The following CRHR2 variants were observed in gnomAD, a reference collection of about 807,000 sequenced individuals.
The protein encoded by CRHR2 is corticotropin-releasing hormone receptor 2.
A neutral mutation model predicts 57.9 loss-of-function variants in CRHR2; 53 were observed. The observed-to-expected ratio is 0.92, with a 90% confidence interval of 0.73 to 1.15. The LOEUF is 1.15. Ranked by LOEUF, CRHR2 falls within the 50% of genes most tolerant of loss-of-function variation. The pLI is 0.00. For synonymous variants in CRHR2, 213 were observed against 220.9 expected (o/e 0.96, Z 0.32); for missense variants, 532 against 542.6 (o/e 0.98, Z 0.19).
At chr7:30,667,040 C>T (rs1257502005) in intron 3 of CRHR2, among the ~76,000 whole-genome samples, 188 bp downstream of exon 3, 1 of 152,234 alleles carries the variant, frequency 6.6e-6, no homozygotes, top group East Asian at 1.9e-4. Flanking sequence ...GACTCCATGT[C>T]CCCCTTCTCT....
intron 1 of CRHR2, among the ~76,000 whole-genome samples, chr7:30,692,426 G>T (rs77400975): frequency 6.6e-6 from 1 of 152,122 alleles, no homozygotes; most frequent in Admixed American, 6.5e-5. Flanking sequence ...CACTGAGCTC[G>T]CCCCTCAGCG....
At chr7:30,689,954 T>C (rs1244410094) in intron 1 of CRHR2, among the ~76,000 whole-genome samples, 4 of 152,126 alleles carry the variant, frequency 2.6e-5, no homozygotes, top group Non-Finnish European at 5.9e-5. Context: ...GAAGGGACCA[T>C]AGGGCCAGCT....
intron 2 of CRHR2, chr7:30,689,101 C>A (rs1219933382): frequency 1.8e-5 from 22 of 1,201,202 alleles, no homozygotes; most frequent in South Asian, 1.6e-4. Flanking sequence ...CCCTGCTGAG[C>A]CTGGGCTGGC....
At chr7:30,686,399 G>A (rs561949444), upstream of CRHR2, 6 of 1,532,926 alleles carry the variant, frequency 3.9e-6, no homozygotes, top group Non-Finnish European at 4.4e-6. Context: ...CTTGGCAGAA[G>A]AGCTGAGGAA....
chr7:30,658,367 T>C (rs1027955093), intron 8 of CRHR2, among the ~76,000 whole-genome samples: 8 of 152,130 alleles, frequency 5.3e-5, no homozygotes, highest in Non-Finnish European at 1.2e-4. Flanking sequence ...GAGCCAGGCA[T>C]CAGCGATGGC....
In CRHR2 at chr7:30,653,865, C is replaced by T. The variant is rs140425125; in HGVS notation, c.1096-265G>A. Among the ~76,000 whole-genome samples, 1 of 152,294 alleles carries T rather than the reference C, an allele frequency of 6.6e-6. No individual in the cohort carries two copies. Among genetic ancestry groups the T allele is most frequent in the African/African-American group, 2.4e-5 (1 of 41,570 alleles). Reference sequence around the variant, plus strand: ...ATCCAGTTTCCTCTGGACACACTGCCTTCCCTTCCCTGACTCACTCTGCCA... The same window carrying T: ...ATCCAGTTTCCTCTGGACACACTGCTTTCCCTTCCCTGACTCACTCTGCCA... On this transcript the variant is annotated intron_variant, in intron 11 of 11. Transcript: ENST00000471646. This position sits in a 1 kb window ranked among gnomAD's most constrained non-coding sequence, Gnocchi z 5.0.
At chr7:30,674,618 G>T (rs1267314542) in intron 2 of CRHR2, among the ~76,000 whole-genome samples, 1 of 152,208 alleles carries the variant, frequency 6.6e-6, no homozygotes, top group Non-Finnish European at 1.5e-5. Flanking sequence ...AAGACAGCTG[G>T]CTGGCAGGAT....
At position 30,681,953 on chromosome 7, in the gene CRHR2, C is replaced by A. The variant is rs766065967; in HGVS notation, c.191G>T (p.Cys64Phe). ...CTTGACGCCGTTGAAGTACTCGGGG[C>A]ACGGCCTCTCCACGAGGGCTCCGGC... ...SAAGALVERP[C>F]PEYFNGVKYN... Residue 64 changes from cysteine (C) to phenylalanine (F), a missense_variant, in exon 2 of 12, where the codon TGC becomes TTC. Physicochemically the swap from Cys to Phe is radical, Grantham distance 205. Transcript: ENST00000471646. 27 of 1,612,064 alleles carry A rather than the reference C, an allele frequency of 1.7e-5. No homozygotes were observed. The highest frequency in any genetic ancestry group is 2.2e-5 in the Non-Finnish European group (26 of 1,179,526).
intron 1 of CRHR2, among the ~76,000 whole-genome samples, chr7:30,693,432 A>C (rs1267648705): frequency 6.6e-6 from 1 of 152,052 alleles, no homozygotes; most frequent in African/African-American, 2.4e-5. Context: ...GTTGGTGACC[A>C]CCTGGTGGTG....
chr7:30,699,461 C>T (rs555483171), intron 1 of CRHR2, among the ~76,000 whole-genome samples: 2 of 147,484 alleles, frequency 1.4e-5, no homozygotes, highest in Admixed American at 6.8e-5. Context: ...TGGCTCTCTG[C>T]GGGTCCCTGG....
At chr7:30,677,816 TC>T (rs200071839) in intron 2 of CRHR2, among the ~76,000 whole-genome samples, 2,821 of 152,314 alleles carry the variant, frequency 0.019, 22 homozygotes, top group Middle Eastern at 0.037. Context: ...ACGCCTATAC[TC>T]CCAGCACTTT....
At chr7:30,698,465 A>G (rs1785102542) in intron 1 of CRHR2, among the ~76,000 whole-genome samples, 1 of 152,134 alleles carries the variant, frequency 6.6e-6, no homozygotes, top group Non-Finnish European at 1.5e-5. Context: ...CCTGGAAGGC[A>G]CCTATCTGGA....
intron 7 of CRHR2, among the ~76,000 whole-genome samples, chr7:30,661,472 T>G (rs1474971867): frequency 6.6e-6 from 1 of 152,158 alleles, no homozygotes; most frequent in Non-Finnish European, 1.5e-5. Flanking sequence ...TTCCTAATGT[T>G]GAGCTCCTGG....
intron 2 of CRHR2, among the ~76,000 whole-genome samples, chr7:30,675,181 G>A (rs1784478555): frequency 6.6e-6 from 1 of 152,166 alleles, no homozygotes; most frequent in Non-Finnish European, 1.5e-5. Context: ...GAAGCACCTG[G>A]TGAGGGTGGG....
chr7:30,682,088 C>T (rs769459689), intron 1 of CRHR2, 48 bp from the exon 2 acceptor site: 2 of 1,545,842 alleles, frequency 1.3e-6, no homozygotes, highest in Admixed American at 4.1e-5. Flanking sequence ...CCCGCAGGGA[C>T]GCGGGGCTCT....
chr7:30,673,819 A>T (rs79860481), intron 2 of CRHR2, among the ~76,000 whole-genome samples: 10,315 of 152,180 alleles, frequency 0.068, 1,164 homozygotes, highest in African/African-American at 0.23. Context: ...ATCACAGCAA[A>T]TTGGTGGTCA....
At chr7:30,694,116 C>G (rs1785011519) in intron 1 of CRHR2, among the ~76,000 whole-genome samples, 1 of 152,214 alleles carries the variant, frequency 6.6e-6, no homozygotes, top group Non-Finnish European at 1.5e-5. Context: ...AACTGACTGA[C>G]TGCTTGGATG....
chr7:30,662,661 C>T (rs200828529), intron 6 of CRHR2, 33 bp downstream of exon 6: 9 of 1,602,012 alleles, frequency 5.6e-6, no homozygotes, highest in African/African-American at 1.3e-5. Flanking sequence ...AGTCCTCCCC[C>T]CAACTAGGCC....
chr7:30,686,518 C>T (rs190337625), upstream of CRHR2: 284 of 1,506,106 alleles, frequency 1.9e-4, no homozygotes, highest in African/African-American at 3.1e-3. Flanking sequence ...TGAATCCATT[C>T]GGATTCTTGG....
Sources: allele counts gnomAD v4.1 joint callset (sites outside exome capture counted in the v4.1 genomes callset), GRCh38; gene constraint gnomAD v4.1.1; non-coding constraint Gnocchi (gnomAD v3.1); transcripts MANE v1.5; gene names NCBI Gene and HGNC (gene_info 2026-07-23, HGNC 2026-07-21).